Variants in KIAA1217 observed in about 807,000 individuals in gnomAD.
The protein encoded by KIAA1217 is KIAA1217.
A neutral mutation model predicts 163.9 loss-of-function variants in KIAA1217; 88 were observed. The ratio of observed to expected loss-of-function variants is 0.54; its 90% CI spans 0.45 to 0.64. KIAA1217 has a LOEUF of 0.64. KIAA1217 is among the 30% of genes least tolerant of loss of function. The pLI is 0.00. For missense variants in KIAA1217, 2,372 were observed against 2,475.0 expected, an observed-to-expected ratio of 0.96 and a Z score of 0.88; for synonymous variants, 903 against 923.1, an observed-to-expected ratio of 0.98 and a Z score of 0.39.
At chr10:23,850,145 C>A (rs1003659873) in intron 1 of KIAA1217, among the ~76,000 whole-genome samples, 1 of 152,010 alleles carries the variant, frequency 6.6e-6, no homozygotes, top group African/African-American at 2.4e-5. Context: ...AAAAGAACAA[C>A]CCACAGGTGC....
intron 8 of KIAA1217, 85 bp from the exon 9 acceptor site, chr10:24,501,294 T>A: frequency 7.9e-7 from 1 of 1,269,446 alleles, no homozygotes; most frequent in Non-Finnish European, 1.1e-6. Flanking sequence ...TTTTTAGAAT[T>A]ACCAGTCATC....
At chr10:23,985,164 C>G (rs1010328199) in intron 1 of KIAA1217, among the ~76,000 whole-genome samples, 2 of 152,218 alleles carry the variant, frequency 1.3e-5, no homozygotes, top group South Asian at 2.1e-4. Context: ...GTACTAATAC[C>G]AAGGTCTTGA....
Position 23,944,549 on chromosome 10 carries a change from T to C in KIAA1217, c.-320-62676T>C, listed in dbSNP as rs1389587018. ...TTGAGCACATGCTTCACCAAAGATA[T>C]ACAAATAATGATAAACATGTATAAA... On this transcript the variant is annotated intron_variant, in intron 1 of 18. Transcript: ENST00000376462. Among the ~76,000 whole-genome samples the C allele has an allele frequency of 2.6e-5, 4 of 151,968 alleles. No individual in the cohort carries two copies. In the East Asian group the frequency reaches 5.8e-4, roughly 22 times the overall value.
intron 2 of KIAA1217, among the ~76,000 whole-genome samples, chr10:24,173,621 C>T (rs2065735487): frequency 6.6e-6 from 1 of 152,084 alleles, no homozygotes; most frequent in Non-Finnish European, 1.5e-5. Flanking sequence ...AATACTCTAC[C>T]TAAAAGATGG....
At chr10:24,336,039 G>A (rs2046318672) in intron 2 of KIAA1217, among the ~76,000 whole-genome samples, 2 of 152,170 alleles carry the variant, frequency 1.3e-5, no homozygotes, top group Admixed American at 1.3e-4. Context: ...TCAGGTGTTC[G>A]AGACCAGCCT....
intron 1 of KIAA1217, among the ~76,000 whole-genome samples, chr10:23,791,273 T>A (rs9988773): frequency 0.22 from 33,770 of 152,090 alleles, 3,943 homozygotes; most frequent in African/African-American, 0.29. Context: ...ATACAGAAGT[T>A]GAGAGAAGAA....
intron 2 of KIAA1217, among the ~76,000 whole-genome samples, chr10:24,305,425 T>G (rs1337974796): frequency 6.6e-6 from 1 of 152,234 alleles, no homozygotes; most frequent in Admixed American, 6.5e-5. Flanking sequence ...CACAGACATC[T>G]GAGCATTAGC....
chr10:24,033,418 T>C (rs1848269346), intron 2 of KIAA1217, among the ~76,000 whole-genome samples: 1 of 152,122 alleles, frequency 6.6e-6, no homozygotes, highest in Non-Finnish European at 1.5e-5. Flanking sequence ...TCACTATCAG[T>C]GTAAAGTGGC....
intron 7 of KIAA1217, 134 bp downstream of exon 7, chr10:24,494,738 T>C: frequency 2.9e-6 from 2 of 699,796 alleles, no homozygotes; most frequent in South Asian, 2.0e-5. Context: ...CTATGGATCA[T>C]GGGCGTTATT....
intron 2 of KIAA1217, among the ~76,000 whole-genome samples, chr10:24,018,630 T>G (rs1181897618): frequency 6.6e-6 from 1 of 151,794 alleles, no homozygotes; most frequent in Non-Finnish European, 1.5e-5. Flanking sequence ...AGTATAGCCA[T>G]TCTAGAAAAC....
At position 24,146,021 on chromosome 10, in the gene KIAA1217, C is replaced by A. The variant is rs1029394041; in HGVS notation, c.-170-73605C>A. Among the ~76,000 whole-genome samples the A allele has an allele frequency of 1.1e-4, 16 of 152,308 alleles. No homozygotes were observed. The East Asian group carries it at 2.9e-3, about 28-fold the overall frequency. On this transcript the variant is annotated intron_variant, in intron 2 of 18. Coordinates refer to the KIAA1217 transcript ENST00000376462. The stretch of plus-strand genomic sequence containing the variant: ...GGAACAATACTTTGCATCCTTCAAT[C>A]CAATCAAGTTGACACTCAATATTAA...
chr10:23,760,986 C>T (rs1834236906), intron 1 of KIAA1217, among the ~76,000 whole-genome samples: 1 of 152,082 alleles, frequency 6.6e-6, no homozygotes, highest in Non-Finnish European at 1.5e-5. Flanking sequence ...CATGGCAGTG[C>T]AGGCCTGTAG....
chr10:24,401,795 A>G (rs2056554843), intron 3 of KIAA1217, among the ~76,000 whole-genome samples: 1 of 151,602 alleles, frequency 6.6e-6, no homozygotes, highest in Non-Finnish European at 1.5e-5. Flanking sequence ...CTGTTTGCAG[A>G]TGACATTATC....
At chr10:23,952,533 A>G (rs752950328) in intron 1 of KIAA1217, among the ~76,000 whole-genome samples, 14 of 152,212 alleles carry the variant, frequency 9.2e-5, no homozygotes, top group South Asian at 2.1e-4. Context: ...TTTTTCTATC[A>G]TAGCATTATT....
At chr10:24,353,391 AG>A (rs1018514329) in intron 2 of KIAA1217, among the ~76,000 whole-genome samples, 16 of 152,128 alleles carry the variant, frequency 1.1e-4, no homozygotes, top group African/African-American at 3.9e-4. Context: ...TTCCGACAGG[AG>A]GGGTGTTCCA....
At chr10:23,798,771 T>C (rs1291033107) in intron 1 of KIAA1217, among the ~76,000 whole-genome samples, 2 of 152,200 alleles carry the variant, frequency 1.3e-5, no homozygotes, top group African/African-American at 4.8e-5. Context: ...GCAGATTCTT[T>C]GTGGACAGTC....
At chr10:23,897,223 T>G in intron 1 of KIAA1217, among the ~76,000 whole-genome samples, 1 of 152,060 alleles carries the variant, frequency 6.6e-6, no homozygotes, top group East Asian at 1.9e-4. Flanking sequence ...GCTCACCAAG[T>G]TGGGCATGTG....
intron 2 of KIAA1217, among the ~76,000 whole-genome samples, chr10:24,133,654 A>G (rs2063736924): frequency 6.6e-6 from 1 of 152,160 alleles, no homozygotes; most frequent in South Asian, 2.1e-4. Context: ...TGATCAAAAC[A>G]GCAACTAGTG....
chr10:23,702,884 C>T (rs1184082945), intron 1 of KIAA1217, among the ~76,000 whole-genome samples: 1 of 152,048 alleles, frequency 6.6e-6, no homozygotes, highest in East Asian at 1.9e-4. Flanking sequence ...CATGCCACCT[C>T]GCCCGGTAAT....
Sources: allele counts gnomAD v4.1 joint callset (sites outside exome capture counted in the v4.1 genomes callset), GRCh38; gene constraint gnomAD v4.1.1; transcripts MANE v1.5; gene names NCBI Gene and HGNC (gene_info 2026-07-23, HGNC 2026-07-21).